The following RCOR1 variants were observed in gnomAD, a reference collection of about 807,000 sequenced individuals.
RCOR1 encodes the protein REST corepressor 1.
A neutral mutation model predicts 64.0 loss-of-function variants in RCOR1; 12 were observed. The observed-to-expected ratio is 0.19, with a 90% CI of 0.12 to 0.30. The LOEUF is 0.30. RCOR1 is among the 10% of genes least tolerant of loss of function. The probability of loss-of-function intolerance (pLI) is 1.00; values close to 1 mark genes in which losing one functional copy is unlikely to be tolerated. For synonymous variants in RCOR1, 279 were observed against 227.2 expected (o/e 1.23, Z -2.05); for missense variants, 502 against 621.2 (o/e 0.81, Z 2.04).
intron 2 of RCOR1, among the ~76,000 whole-genome samples, chr14:102,659,722 A>G (rs1344862181): frequency 2.6e-5 from 4 of 152,188 alleles, no homozygotes; most frequent in Non-Finnish European, 5.9e-5. Context: ...TCACATGGAC[A>G]GTAACGGAGA....
chr14:102,685,753 AGAGTTT>A lies in RCOR1; in HGVS notation c.445+3779_445+3784del, dbSNP rs61169634. On this transcript the variant is annotated intron_variant, in intron 3 of 11. Transcript: ENST00000262241. ...GAGGCGAGCTGATCACTTGAGCTCA[AGAGTTT>A]GAGACCAGTCTGGGCAACATGGTGA... Among the ~76,000 whole-genome samples the A allele has an allele frequency of 5.0e-3, 757 of 152,300 alleles. 5 individuals carry two copies. Among genetic ancestry groups the A allele is most frequent in the African/African-American group, 0.017 (705 of 41,572 alleles).
At chr14:102,598,714 C>T (rs566971457) in intron 2 of RCOR1, among the ~76,000 whole-genome samples, 52 of 152,220 alleles carry the variant, frequency 3.4e-4, no homozygotes, top group African/African-American at 1.2e-3. Flanking sequence ...TCCCAGAGTG[C>T]TGGGATTACA....
rs146856480 is a variant in RCOR1, at chr14:102,657,816, C to T, written c.362-24079C>T. ...TCACTCCATTGCACTCCAGCCTGGG[C>T]GACAGAGTGAGACTCCGTCTCAAAA... is the stretch of plus-strand genomic sequence containing the variant. On this transcript the variant is annotated intron_variant, in intron 2 of 11. Coordinates refer to ENST00000262241, the MANE Select transcript of RCOR1 (RefSeq NM_015156.4). 1,860 of 904,142 alleles carry T rather than the reference C, an allele frequency of 2.1e-3. 36 individuals are homozygous for T. In the African/African-American group the frequency reaches 0.039, roughly 19 times the overall value. 56.0% of individuals were successfully genotyped at this position (904,142 alleles called of 1,614,324 possible). A position where few individuals can be genotyped will look rare whatever the true frequency, so the allele number is the denominator to read the frequency against.
chr14:102,658,030 A>G (rs1894761234), intron 2 of RCOR1: 6 of 778,242 alleles, frequency 7.7e-6, no homozygotes, highest in Non-Finnish European at 9.4e-6. Context: ...GCTGGAGTGC[A>G]GTGGCATGAT....
intron 2 of RCOR1, among the ~76,000 whole-genome samples, chr14:102,612,469 G>C (rs969685859): frequency 6.6e-6 from 1 of 152,078 alleles, no homozygotes; most frequent in African/African-American, 2.4e-5. Flanking sequence ...AAAGTGCTGG[G>C]ATTACAGGTG....
At chr14:102,722,943 T>A (rs1366856576) in intron 11 of RCOR1, among the ~76,000 whole-genome samples, 2 of 152,232 alleles carry the variant, frequency 1.3e-5, no homozygotes, top group Non-Finnish European at 2.9e-5. Context: ...GTTCTGTGGC[T>A]GGCTGGAACT....
intron 2 of RCOR1, among the ~76,000 whole-genome samples, chr14:102,652,425 ACT>A (rs368363357): frequency 3.0e-4 from 45 of 152,024 alleles, no homozygotes; most frequent in African/African-American, 1.0e-3. Flanking sequence ...AATTACAAAC[ACT>A]CTCTCCTCTA....
rs991189875 is a variant in RCOR1, at chr14:102,605,752, G to A, written c.361+12427G>A. Among the ~76,000 whole-genome samples, 7 of 152,140 alleles carry A rather than the reference G, an allele frequency of 4.6e-5. 1 individual carries two copies. The highest frequency in any genetic ancestry group is 2.6e-4 in the Admixed American group (4 of 15,238). ...GTTTGCTGTAAAACAGCCTCAGGCAGGTCCTTCAGGAGGTATTCCAGAAGG... is the reference window on the plus strand; with the variant it reads ...GTTTGCTGTAAAACAGCCTCAGGCAAGTCCTTCAGGAGGTATTCCAGAAGG... On this transcript the variant is annotated intron_variant, in intron 2 of 11. Transcript: ENST00000262241.
chr14:102,672,459 G>A (rs145077679), intron 2 of RCOR1, among the ~76,000 whole-genome samples: 10 of 151,998 alleles, frequency 6.6e-5, no homozygotes, highest in African/African-American at 2.4e-4. Context: ...TGATCCGCCC[G>A]CCTCGGCTTC....
At chr14:102,638,171 A>G (rs1241514225) in intron 2 of RCOR1, among the ~76,000 whole-genome samples, 1 of 152,244 alleles carries the variant, frequency 6.6e-6, no homozygotes, top group African/African-American at 2.4e-5. Context: ...CACACATAAA[A>G]TAGTCCAAGG....
intron 2 of RCOR1, among the ~76,000 whole-genome samples, chr14:102,631,245 T>A (rs1894105306): frequency 6.6e-6 from 1 of 151,054 alleles, no homozygotes; most frequent in Non-Finnish European, 1.5e-5. Context: ...CTGTGTCGCC[T>A]GGGCTGGAGT....
intron 2 of RCOR1, among the ~76,000 whole-genome samples, chr14:102,653,182 A>G (rs895605577): frequency 6.6e-6 from 1 of 152,026 alleles, no homozygotes; most frequent in African/African-American, 2.4e-5. Context: ...TCGGCCTCCC[A>G]AAGTGCTGGG....
intron 2 of RCOR1, among the ~76,000 whole-genome samples, chr14:102,620,573 T>C (rs1893854196): frequency 6.6e-6 from 1 of 151,944 alleles, no homozygotes; most frequent in Admixed American, 6.6e-5. Context: ...ACAAAAAAAA[T>C]TAGTCGGGCA....
At position 102,720,946 on chromosome 14, in the gene RCOR1, C is replaced by A. The variant is rs949030815; in HGVS notation, c.1054-61C>A. On this transcript the variant is annotated intron_variant, in intron 8 of 11. Coordinates refer to ENST00000262241, the MANE Select transcript of RCOR1 (RefSeq NM_015156.4). ...TTTTGTTTCTTTAGGTTTTTAAGTT[C>A]TGTTTTCATACCTTTATATAGTTTT... 4 of 883,770 alleles carry A rather than the reference C, an allele frequency of 4.5e-6. No homozygotes were observed. The African/African-American group carries it at 5.3e-5, about 12-fold the overall frequency. 54.7% of individuals were successfully genotyped at this position (883,770 alleles called of 1,614,324 possible).
chr14:102,723,416 A>G (rs149203320), intron 11 of RCOR1, among the ~76,000 whole-genome samples: 201 of 152,282 alleles, frequency 1.3e-3, no homozygotes, highest in African/African-American at 4.6e-3. Context: ...TGCTGACTGG[A>G]GAAAGGACCT....
At chr14:102,603,301 G>A (rs1473400689) in intron 2 of RCOR1, among the ~76,000 whole-genome samples, 1 of 151,942 alleles carries the variant, frequency 6.6e-6, no homozygotes, top group Non-Finnish European at 1.5e-5. Flanking sequence ...TAAGAAAAGA[G>A]TGTCTTTTTA....
intron 3 of RCOR1, among the ~76,000 whole-genome samples, chr14:102,697,577 A>G (rs1895674174): frequency 2.0e-5 from 3 of 152,222 alleles, no homozygotes; most frequent in South Asian, 4.1e-4. Context: ...TTTACAGGTT[A>G]GAGGGCTCCT....
At chr14:102,710,875 C>T (rs1595241601) in intron 6 of RCOR1, 60 bp from the exon 7 acceptor site, 49 of 1,150,416 alleles carry the variant, frequency 4.3e-5, no homozygotes, top group East Asian at 2.2e-4. Context: ...ATCAATTTAT[C>T]GTTTGTATTC....
chr14:102,687,055 A>G (rs1460145047), intron 3 of RCOR1, among the ~76,000 whole-genome samples: 1 of 152,234 alleles, frequency 6.6e-6, no homozygotes, highest in African/African-American at 2.4e-5. Context: ...AGTTCTGTCC[A>G]AAAGTATCTC....
Sources: allele counts gnomAD v4.1 joint callset (sites outside exome capture counted in the v4.1 genomes callset), GRCh38; gene constraint gnomAD v4.1.1; transcripts MANE v1.5; gene names NCBI Gene and HGNC (gene_info 2026-07-23, HGNC 2026-07-21).